The following CLVS1 variants were observed in gnomAD, a reference collection of about 807,000 sequenced individuals.
CLVS1 encodes clavesin-1.
Under a neutral mutation model 33.1 loss-of-function variants are expected in CLVS1, and 10 were observed. The ratio of observed to expected loss-of-function variants is 0.30; its 90% CI spans 0.19 to 0.51. The LOEUF (loss-of-function observed/expected upper bound fraction) is 0.51, where lower values mean the gene tolerates loss of function less well. Among genes scored for constraint, CLVS1 ranks in the 20% least tolerant of loss-of-function variants. The probability of loss-of-function intolerance (pLI) is 0.97; values close to 1 mark genes in which losing one functional copy is unlikely to be tolerated. For synonymous variants in CLVS1, 163 were observed against 166.1 expected (o/e 0.98, Z 0.14); for missense variants, 343 against 433.4 (o/e 0.79, Z 1.85).
the CLVS1 span, among the ~76,000 whole-genome samples, chr8:60,998,038 G>C: frequency 6.6e-6 from 1 of 152,114 alleles, no homozygotes; most frequent in Non-Finnish European, 1.5e-5. Flanking sequence ...CTCTTTTTAA[G>C]AAAAACAGAT....
chr8:61,176,532 G>A (rs1225157367), intron 2 of CLVS1, among the ~76,000 whole-genome samples: 1 of 152,080 alleles, frequency 6.6e-6, no homozygotes, highest in Non-Finnish European at 1.5e-5. Flanking sequence ...TTTAAAAGAA[G>A]AGGGGGCAGG....
rs1198619645 is a variant in CLVS1 at position 61,318,783 on chromosome 8, TG to T, written c.455+18502del. ...ATCTGGTCCTTTTTGTTTGTTTGTT[TG>T]TTTTAAGAGATGATGGGGGTCTTGT... On this transcript the variant is annotated intron_variant, in intron 2 of 5. Coordinates refer to ENST00000325897, the MANE Select transcript of CLVS1 (RefSeq NM_173519.3). Among the ~76,000 whole-genome samples, 6 of 152,094 alleles carry T rather than the reference TG, an allele frequency of 3.9e-5. No homozygotes were observed. In the East Asian group the frequency reaches 1.2e-3, roughly 29 times the overall value.
chr8:61,167,794 T>C (rs139158663), intron 2 of CLVS1, among the ~76,000 whole-genome samples: 2,581 of 152,218 alleles, frequency 0.017, 76 homozygotes, highest in African/African-American at 0.059. Flanking sequence ...AAGATGACCA[T>C]GAGAGTGACC....
intron 2 of CLVS1, among the ~76,000 whole-genome samples, chr8:61,226,980 G>GTTTTTTTTTT (rs55718731): frequency 2.3e-4 from 31 of 132,320 alleles, no homozygotes; most frequent in African/African-American, 7.1e-4. Context: ...ACGAAAACAT[G>GTTTTTTTTTT]TTTTTTTTTT....
rs1309311111 is a variant in CLVS1, at chr8:61,105,078, C to T, written c.-242-26692C>T. ...CTCCTGACCTCAGGTGATCCACCTG[C>T]CTCACCCTCCCAAAGTGCTGGAATT... On this transcript the variant is annotated intron_variant, in intron 1 of 2. Transcript: ENST00000522621. 3.9e-5 allele frequency among the ~76,000 whole-genome samples: 6 copies of T among 152,296 alleles called. No individual in the cohort carries two copies. The East Asian group carries it at 9.6e-4, about 24-fold the overall frequency.
At chr8:61,047,948 T>TA in the CLVS1 span, among the ~76,000 whole-genome samples, 3 of 139,956 alleles carry the variant, frequency 2.1e-5, no homozygotes, top group African/African-American at 9.3e-5. Context: ...ATAATAATAA[T>TA]AAAATAAAAA....
At chr8:61,122,118 A>G (rs1022155354) in intron 1 of CLVS1, among the ~76,000 whole-genome samples, 1 of 152,206 alleles carries the variant, frequency 6.6e-6, no homozygotes, top group Non-Finnish European at 1.5e-5. Context: ...CAATATCTGG[A>G]TCTGTTGGTA....
chr8:61,468,589 T>G (rs1817633110), intron 5 of CLVS1, among the ~76,000 whole-genome samples: 1 of 152,088 alleles, frequency 6.6e-6, no homozygotes, highest in Admixed American at 6.6e-5. Flanking sequence ...TCATGGAACC[T>G]AACTAAGCTG....
Position 61,175,822 on chromosome 8 carries a change from G to A in CLVS1, c.-152+43962G>A, listed in dbSNP as rs369641834. ...TCAAATTGTGAGATGAAAAATCTCT[G>A]TTGTAAGCTTTCCCATTTGTGATTT... On this transcript the variant is annotated intron_variant, in intron 2 of 2. Coordinates refer to the CLVS1 transcript ENST00000522621. Among the ~76,000 whole-genome samples, 9 of 152,294 alleles carry A rather than the reference G, an allele frequency of 5.9e-5. No homozygotes were observed. In the East Asian group the frequency reaches 1.7e-3, roughly 29 times the overall value.
intron 3 of CLVS1, among the ~76,000 whole-genome samples, chr8:61,390,227 C>T (rs1814250703): frequency 6.6e-6 from 1 of 152,210 alleles, no homozygotes. Context: ...TGGGCATCTG[C>T]TCTTTTCACT....
the CLVS1 span, among the ~76,000 whole-genome samples, chr8:61,013,449 T>C: frequency 6.6e-6 from 1 of 152,208 alleles, no homozygotes; most frequent in African/African-American, 2.4e-5. Flanking sequence ...TGGGAGTCTC[T>C]GCATCTCTCC....
At chr8:61,326,134 T>C (rs1811375980) in intron 2 of CLVS1, among the ~76,000 whole-genome samples, 1 of 152,162 alleles carries the variant, frequency 6.6e-6, no homozygotes, top group Non-Finnish European at 1.5e-5. Flanking sequence ...CAGCCTTCAT[T>C]TGCAACACAG....
At chr8:61,237,037 G>A (rs945699779) in intron 2 of CLVS1, among the ~76,000 whole-genome samples, 3 of 152,174 alleles carry the variant, frequency 2.0e-5, no homozygotes, top group Non-Finnish European at 2.9e-5. Flanking sequence ...AAGATAAATC[G>A]ATTGATTCTT....
chr8:61,021,735 T>C, the CLVS1 span, among the ~76,000 whole-genome samples: 2 of 152,194 alleles, frequency 1.3e-5, no homozygotes, highest in African/African-American at 4.8e-5. Flanking sequence ...ATTTTACCTT[T>C]TATTTTAGAT....
At chr8:60,977,371 A>G in the CLVS1 span, among the ~76,000 whole-genome samples, 1 of 152,266 alleles carries the variant, frequency 6.6e-6, no homozygotes, top group Admixed American at 6.5e-5. Context: ...CACAGGAATG[A>G]TTAGTCAAAG....
the CLVS1 span, among the ~76,000 whole-genome samples, chr8:60,979,409 C>T: frequency 3.9e-5 from 6 of 152,234 alleles, no homozygotes; most frequent in African/African-American, 1.4e-4. Context: ...TATCACATGG[C>T]TGGAGGGAAC....
At chr8:61,497,803 G>C (rs530297262) in intron 5 of CLVS1, among the ~76,000 whole-genome samples, 5 of 152,142 alleles carry the variant, frequency 3.3e-5, no homozygotes, top group African/African-American at 1.2e-4. Context: ...CCATTCTTAC[G>C]GTTATTTCTT....
chr8:61,284,543 AT>A (rs894668174), upstream of CLVS1, among the ~76,000 whole-genome samples: 10 of 152,214 alleles, frequency 6.6e-5, no homozygotes, highest in Admixed American at 3.9e-4. Flanking sequence ...CTTAATTCAC[AT>A]TTTTAGTGAG....
At chr8:61,369,550 C>T (rs763152828) in intron 2 of CLVS1, among the ~76,000 whole-genome samples, 1 of 152,190 alleles carries the variant, frequency 6.6e-6, no homozygotes, top group Non-Finnish European at 1.5e-5. Context: ...TCCCTATTGT[C>T]CTGCTACTAT....
Sources: allele counts gnomAD v4.1 joint callset (sites outside exome capture counted in the v4.1 genomes callset), GRCh38; gene constraint gnomAD v4.1.1; transcripts MANE v1.5; gene names NCBI Gene and HGNC (gene_info 2026-07-23, HGNC 2026-07-21).